The following SIK3 variants were observed in gnomAD, a reference collection of about 807,000 sequenced individuals.
The protein encoded by SIK3 is serine/threonine-protein kinase SIK3.
In SIK3, 28 loss-of-function variants were observed where a neutral mutation model predicts 144.2. The ratio of observed to expected loss-of-function variants is 0.19; its 90% confidence interval spans 0.14 to 0.27. The LOEUF is 0.27. Ranked by LOEUF, SIK3 falls within the 10% of genes least tolerant of loss-of-function variation. The pLI, the probability that SIK3 is intolerant of heterozygous loss-of-function variation, is 1.00. For missense variants in SIK3, 1,319 were observed against 1,776.0 expected (o/e 0.74, Z 4.62); for synonymous variants, 686 against 676.3 (o/e 1.01, Z -0.22).
At chr11:116,852,507 G>C (rs1394863255) in intron 21 of SIK3, among the ~76,000 whole-genome samples, 1 of 152,224 alleles carries the variant, frequency 6.6e-6, no homozygotes, top group East Asian at 1.9e-4. Flanking sequence ...GCTTCCTGAG[G>C]AGCAGGAGCT....
chr11:116,975,234 C>G lies in SIK3; in HGVS notation c.274-18170G>C, dbSNP rs540386823. Among the ~76,000 whole-genome samples, 51 of 151,876 alleles carry G rather than the reference C, an allele frequency of 3.4e-4. 1 individual carries two copies. The highest frequency in any genetic ancestry group is 1.0e-3 in the African/African-American group (43 of 41,334). Reference sequence around the variant, plus strand: ...GATATTCACATACCATGCAATTCACCAATTTAAAGTGTAAAATTCAACGTG... The same window carrying G: ...GATATTCACATACCATGCAATTCACGAATTTAAAGTGTAAAATTCAACGTG... On this transcript the variant is annotated intron_variant, in intron 1 of 24. Transcript: ENST00000445177.
chr11:116,934,954 G>A (rs373439035), intron 3 of SIK3, among the ~76,000 whole-genome samples: 3 of 152,238 alleles, frequency 2.0e-5, no homozygotes, highest in South Asian at 2.1e-4. Flanking sequence ...GTGTGGTGGC[G>A]CATGCCTATA....
intron 1 of SIK3, among the ~76,000 whole-genome samples, chr11:117,084,431 A>G (rs887571023): frequency 2.0e-5 from 3 of 151,774 alleles, no homozygotes; most frequent in African/African-American, 4.8e-5. Flanking sequence ...ACACCCAGCT[A>G]ATTTTTGTAT....
intron 1 of SIK3, among the ~76,000 whole-genome samples, chr11:117,033,738 AGAAAAAAAAAGAAAAG>A (rs1158910333): frequency 6.6e-6 from 1 of 151,252 alleles, no homozygotes; most frequent in East Asian, 1.9e-4. Flanking sequence ...AGAAAAGAAA[AGAAAAAAAAAGAAAAG>A]GAAAAGAAAA....
intron 1 of SIK3, among the ~76,000 whole-genome samples, chr11:116,987,738 G>C (rs1950370045): frequency 6.6e-6 from 1 of 152,220 alleles, no homozygotes; most frequent in Admixed American, 6.5e-5. Flanking sequence ...GGAGGAGGTA[G>C]TAGTAAACCA....
chr11:116,905,846 C>T (rs1946002798), intron 4 of SIK3, among the ~76,000 whole-genome samples: 1 of 152,154 alleles, frequency 6.6e-6, no homozygotes, highest in Non-Finnish European at 1.5e-5. Flanking sequence ...GTTCTTTATA[C>T]ATTCTGGATA....
At chr11:116,848,150 T>C (rs1043760540) in intron 22 of SIK3, among the ~76,000 whole-genome samples, 15 of 152,074 alleles carry the variant, frequency 9.9e-5, no homozygotes, top group Middle Eastern at 3.4e-3. Flanking sequence ...CCGTCTCTAC[T>C]AAAAATACGA....
intron 1 of SIK3, among the ~76,000 whole-genome samples, chr11:117,074,525 T>C (rs1954418765): frequency 6.6e-6 from 1 of 152,238 alleles, no homozygotes; most frequent in Non-Finnish European, 1.5e-5. Context: ...TGTATTATTA[T>C]TATAAGTATA....
At chr11:116,878,474 G>A (rs150818481) in intron 6 of SIK3, among the ~76,000 whole-genome samples, 3,115 of 151,886 alleles carry the variant, frequency 0.021, 45 homozygotes, top group Non-Finnish European at 0.032. Context: ...CCGCCTCCTG[G>A]GTTCACGTGA....
rs1468847811 is a variant in SIK3, at chr11:116,858,083, G to A, written c.3382C>T (p.Pro1128Ser). 2 of 1,613,832 alleles carry A rather than the reference G, an allele frequency of 1.2e-6. No individual in the cohort carries two copies. Among genetic ancestry groups the A allele is most frequent in the African/African-American group, 1.3e-5 (1 of 74,932 alleles). Residue 1128 changes from proline to serine, a missense_variant, in exon 21 of 25, where the codon CCC becomes TCC. This residue lies in a region of SIK3 where 646 missense variants were observed against 763.7 expected (regional missense o/e 0.85). Coordinates refer to ENST00000445177, the MANE Select transcript of SIK3 (RefSeq NM_001366686.3). The surrounding 1 kb of genome is among the most constrained non-coding windows in gnomAD (Gnocchi z 5.4). ...CVSQASSPTPPHGYAHQPALM... is the reference protein window; with the variant it reads ...CVSQASSPTPSHGYAHQPALM... ...GCCGGCTGGTGAGCATACCCGTGGG[G>A]CGGGGTGGGTGAGGAAGCCTGTGAG...
chr11:117,025,280 T>TA (rs2135766740), intron 1 of SIK3, among the ~76,000 whole-genome samples: 1 of 152,148 alleles, frequency 6.6e-6, no homozygotes, highest in African/African-American at 2.4e-5. Context: ...TCATAACTGA[T>TA]ACCCATAAAA....
chr11:117,035,752 G>A (rs1406362011), intron 1 of SIK3: 1 of 1,236,658 alleles, frequency 8.1e-7, no homozygotes, highest in South Asian at 1.2e-5. Flanking sequence ...AATCCAAAAT[G>A]TGTTTATTGA....
chr11:117,036,885 G>T (rs1297697637), intron 1 of SIK3, among the ~76,000 whole-genome samples: 1 of 152,102 alleles, frequency 6.6e-6, no homozygotes, highest in East Asian at 1.9e-4. Flanking sequence ...AATACCATAT[G>T]AATCAATCAA....
intron 6 of SIK3, among the ~76,000 whole-genome samples, chr11:116,893,224 A>G (rs775644201): frequency 2.6e-5 from 4 of 152,230 alleles, no homozygotes; most frequent in Non-Finnish European, 5.9e-5. Flanking sequence ...ATAATGTGTC[A>G]ATGCATGTTC....
intron 1 of SIK3, among the ~76,000 whole-genome samples, chr11:117,093,260 T>TC (rs1436750496): frequency 5.3e-5 from 8 of 152,258 alleles, no homozygotes; most frequent in South Asian, 4.1e-4. Flanking sequence ...GTTAAACTCT[T>TC]CTTTAGAGGT....
At position 116,867,414 on chromosome 11, in the gene SIK3, G is replaced by T. The variant is rs1943706346; in HGVS notation, c.1952+532C>A. On this transcript the variant is annotated intron_variant, in intron 15 of 24. Transcript: ENST00000445177. This position sits in a 1 kb window ranked among gnomAD's most constrained non-coding sequence, Gnocchi z 4.1. ...ATAACCATAACCGAACCTAGCAAAA[G>T]ATTTTTGCCATCAGAATATTGAAAG... is the stretch of plus-strand genomic sequence containing the variant. Among the ~76,000 whole-genome samples, 1 of 152,184 alleles carries T rather than the reference G, an allele frequency of 6.6e-6. No individual in the cohort carries two copies. Among genetic ancestry groups the T allele is most frequent in the African/African-American group, 2.4e-5 (1 of 41,452 alleles).
intron 16 of SIK3, among the ~76,000 whole-genome samples, chr11:116,863,260 TTTTTC>T (rs1943449878): frequency 1.3e-5 from 2 of 152,186 alleles, no homozygotes; most frequent in South Asian, 4.1e-4. Flanking sequence ...CTATACTTTC[TTTTTC>T]TTTTAAGACA....
chr11:116,934,683 T>C (rs1360097129), intron 3 of SIK3, among the ~76,000 whole-genome samples: 1 of 152,210 alleles, frequency 6.6e-6, no homozygotes, highest in African/African-American at 2.4e-5. Context: ...ACTTAATAAT[T>C]ATAGATTAGG....
chr11:116,976,219 A>C (rs1949942131), intron 1 of SIK3, among the ~76,000 whole-genome samples: 1 of 152,136 alleles, frequency 6.6e-6, no homozygotes, highest in Non-Finnish European at 1.5e-5. Context: ...GATGTAGTCC[A>C]TTTATCTATT....
Sources: allele counts gnomAD v4.1 joint callset (sites outside exome capture counted in the v4.1 genomes callset), GRCh38; gene constraint gnomAD v4.1.1; regional missense constraint gnomAD v4.1.1; non-coding constraint Gnocchi (gnomAD v3.1); transcripts MANE v1.5; gene names NCBI Gene and HGNC (gene_info 2026-07-23, HGNC 2026-07-21).